NLRP5: variants seen among roughly 807,000 people sequenced by gnomAD.
The protein encoded by NLRP5 is NACHT, LRR and PYD domains-containing protein 5.
In NLRP5, 93 loss-of-function variants were observed where a neutral mutation model predicts 113.1. The ratio of observed to expected loss-of-function variants is 0.82; its 90% CI spans 0.70 to 0.98. The LOEUF (loss-of-function observed/expected upper bound fraction) is 0.98, where lower values mean the gene tolerates loss of function less well. Ranked by LOEUF, NLRP5 falls within the 50% of genes least tolerant of loss-of-function variation. NLRP5 has a pLI of 0.00. For missense variants in NLRP5, 1,808 were observed against 1,514.3 expected (o/e 1.19, Z -3.22); for synonymous variants, 751 against 600.7 (o/e 1.25, Z -3.66).
At chr19:56,020,564 C>T (rs1982575815) in intron 6 of NLRP5, 133 bp downstream of exon 6, 17 of 987,014 alleles carry the variant, frequency 1.7e-5, no homozygotes, top group Non-Finnish European at 2.6e-5. Context: ...CTGGTGTCAA[C>T]CCCTTCCCTT....
In NLRP5 at chr19:56,053,797, G is replaced by A. The variant is rs920311599; in HGVS notation, c.3288G>A (p.Leu1096=). 3 of 1,613,570 alleles carry A rather than the reference G, an allele frequency of 1.9e-6. No homozygotes were observed. Among genetic ancestry groups the A allele is most frequent in the Non-Finnish European group, 2.5e-6 (3 of 1,179,614 alleles). The change falls in exon 13 of 15, where the codon CTG becomes CTA. Residue 1096 remains leucine (L), a synonymous_variant. Transcript: ENST00000390649. ...GACTGAAGCAAAAGAACAGTGTTCT[G>A]GCGAGACTCGGGTAACTTCCTGGGG...
At chr19:55,988,086 C>T in the NLRP5 span, 3 of 586,728 alleles carry the variant, frequency 5.1e-6, no homozygotes, top group African/African-American at 1.9e-5. Flanking sequence ...CGGTGATGCC[C>T]TGTGTGTATT....
chr19:55,996,963 G>A (rs1015897703), upstream of NLRP5, among the ~76,000 whole-genome samples: 1 of 152,134 alleles, frequency 6.6e-6, no homozygotes, highest in Non-Finnish European at 1.5e-5. Context: ...CAGCGTAAAA[G>A]TGTTTCTATT....
In NLRP5 at chr19:56,050,580, G is replaced by A; in HGVS notation, c.3120G>A (p.Gln1040=). 1 of 1,613,490 alleles carries A rather than the reference G, an allele frequency of 6.2e-7. No homozygotes were observed. The highest frequency in any genetic ancestry group is 2.2e-5 in the East Asian group (1 of 44,844). ...TGAGAGAACCATCTTGTCATCTCCAGGACCTGGAGTGAGTTTCCCATGGGC... is the reference window on the plus strand; with the variant it reads ...TGAGAGAACCATCTTGTCATCTCCAAGACCTGGAGTGAGTTTCCCATGGGC... Residue 1040 remains glutamine (Q), a synonymous_variant, in exon 12 of 15, where the codon CAG becomes CAA. Transcript: ENST00000390649.
At chr19:55,988,138 A>AT in the NLRP5 span, 2 of 387,166 alleles carry the variant, frequency 5.2e-6, no homozygotes, top group South Asian at 3.1e-5. Context: ...CACGCCTGTA[A>AT]CCCAGCACTA....
chr19:56,044,657 T>A (rs893751540), intron 11 of NLRP5, among the ~76,000 whole-genome samples: 1 of 152,194 alleles, frequency 6.6e-6, no homozygotes, highest in African/African-American at 2.4e-5. Context: ...GCCTCCAGAT[T>A]TGTTCTTTTT....
intron 4 of NLRP5, among the ~76,000 whole-genome samples, chr19:56,016,678 C>A (rs894848213): frequency 3.3e-5 from 5 of 152,130 alleles, no homozygotes; most frequent in Non-Finnish European, 7.3e-5. Flanking sequence ...TTTTTAGATT[C>A]CACGTGTCAG....
At position 56,061,568 on chromosome 19, in the gene NLRP5, G is replaced by A. The variant is rs761706622; in HGVS notation, c.*40G>A. On this transcript the variant is annotated 3_prime_UTR_variant, in exon 15 of 15. Transcript: ENST00000390649. Reference sequence around the variant, plus strand: ...GCCCCACTCACACCCATCTGATGGAGGAACTTTAAACGCTGTTTTCTCAGA... The same window carrying A: ...GCCCCACTCACACCCATCTGATGGAAGAACTTTAAACGCTGTTTTCTCAGA... The A allele has an allele frequency of 1.8e-5, 29 of 1,610,984 alleles. No homozygotes were observed. The highest frequency in any genetic ancestry group is 1.6e-4 in the Middle Eastern group (1 of 6,066).
Position 56,007,889 on chromosome 19 carries a change from G to GTGCA in NLRP5, c.443-899_443-898insTGCA, listed in dbSNP as rs748749686. Among the ~76,000 whole-genome samples, 87 of 86,244 alleles carry GTGCA rather than the reference G, an allele frequency of 1.0e-3. 1 individual carries two copies. Among genetic ancestry groups the GTGCA allele is most frequent in the South Asian group, 3.7e-3 (10 of 2,736 alleles). The allele number at this position is 86,244 out of a possible 152,430, so 56.6% of individuals were successfully genotyped here. A position where few individuals can be genotyped will look rare whatever the true frequency, so the allele number is the denominator to read the frequency against. ...ACAGTTTGTGTGTGTGTGTGTGTGT[G>GTGCA]CGCGTGCGCGCGTGCGTGTGTGTGT... On this transcript the variant is annotated intron_variant, in intron 2 of 14. Coordinates refer to ENST00000390649, the MANE Select transcript of NLRP5 (RefSeq NM_153447.4).
intron 14 of NLRP5, 95 bp from the exon 15 acceptor site, chr19:56,061,301 G>GT: frequency 7.1e-7 from 1 of 1,402,398 alleles, no homozygotes; most frequent in South Asian, 1.4e-5. Context: ...ACAAGAAAAG[G>GT]TTTGAGATCC....
chr19:56,030,608 C>A (rs113238424), intron 7 of NLRP5, among the ~76,000 whole-genome samples: 9 of 151,976 alleles, frequency 5.9e-5, no homozygotes, highest in Non-Finnish European at 1.2e-4. Context: ...ACGTGCGCAG[C>A]CACAGGCTAA....
At chr19:56,003,521 C>G (rs114893623) in intron 1 of NLRP5, among the ~76,000 whole-genome samples, 1 of 152,166 alleles carries the variant, frequency 6.6e-6, no homozygotes. Context: ...CAATTTTATT[C>G]TAAGATGCTG....
At chr19:56,024,450 TATAC>T (rs1184660161) in intron 6 of NLRP5, among the ~76,000 whole-genome samples, 3 of 146,914 alleles carry the variant, frequency 2.0e-5, no homozygotes, top group Non-Finnish European at 4.5e-5. Context: ...TATATTTATA[TATAC>T]GTACATACAT....
At chr19:56,035,347 T>A (rs924737157) in intron 9 of NLRP5, among the ~76,000 whole-genome samples, 1 of 152,208 alleles carries the variant, frequency 6.6e-6, no homozygotes, top group African/African-American at 2.4e-5. Flanking sequence ...AACTGCACTT[T>A]AAGAAGATGT....
At chr19:55,991,915 C>T in the NLRP5 span, among the ~76,000 whole-genome samples, 7 of 149,008 alleles carry the variant, frequency 4.7e-5, 1 homozygote, top group South Asian at 2.1e-4. Context: ...AGGTTTGTTA[C>T]GTAGGTAAAC....
upstream of NLRP5, among the ~76,000 whole-genome samples, chr19:55,997,294 G>C (rs1981356612): frequency 6.6e-6 from 1 of 152,056 alleles, no homozygotes; most frequent in Non-Finnish European, 1.5e-5. Flanking sequence ...TTGCAACCCT[G>C]AGATGAATCC....
At chr19:56,044,608 G>A (rs1433062364) in intron 11 of NLRP5, among the ~76,000 whole-genome samples, 2 of 152,114 alleles carry the variant, frequency 1.3e-5, no homozygotes, top group African/African-American at 4.8e-5. Flanking sequence ...ACACTGTTTT[G>A]GTGACTATGC....
intron 3 of NLRP5, among the ~76,000 whole-genome samples, chr19:56,011,982 G>A (rs746219129): frequency 6.6e-5 from 10 of 151,738 alleles, no homozygotes; most frequent in South Asian, 2.1e-4. Context: ...ATGAGCCACC[G>A]CACCCAGCCT....
intron 11 of NLRP5, among the ~76,000 whole-genome samples, chr19:56,042,541 G>T (rs1217987652): frequency 8.5e-5 from 13 of 152,114 alleles, no homozygotes; most frequent in Admixed American, 7.9e-4. Context: ...TAGAGGCAGG[G>T]TTTCACCATG....
Sources: allele counts gnomAD v4.1 joint callset (sites outside exome capture counted in the v4.1 genomes callset), GRCh38; gene constraint gnomAD v4.1.1; transcripts MANE v1.5; gene names NCBI Gene and HGNC (gene_info 2026-07-23, HGNC 2026-07-21).